The following PHF20 variants were observed in gnomAD, a reference collection of about 807,000 sequenced individuals.
PHF20 encodes the protein glioma-expressed antigen 2.
A neutral mutation model predicts 113.5 loss-of-function variants in PHF20; 23 were observed. The observed-to-expected ratio is 0.20, with a 90% CI of 0.15 to 0.29. The LOEUF is 0.29. PHF20 is among the 10% of genes least tolerant of loss of function. The pLI is 1.00. For missense variants in PHF20, 943 were observed against 1,219.6 expected, an observed-to-expected ratio of 0.77 and a Z score of 3.38; for synonymous variants, 434 against 457.3, an observed-to-expected ratio of 0.95 and a Z score of 0.65.
rs555975702 is a variant in PHF20, at chr20:35,834,275, G to A, written c.84-8298G>A. Among the ~76,000 whole-genome samples the A allele has an allele frequency of 1.4e-3, 191 of 137,612 alleles. 2 individuals carry two copies. The highest frequency in any genetic ancestry group is 6.8e-4 in the Non-Finnish European group (44 of 64,916). The allele number at this position is 137,612 out of a possible 152,430, so 90.3% of individuals were successfully genotyped here. On this transcript the variant is annotated intron_variant, in intron 2 of 17. Coordinates refer to ENST00000374012, the MANE Select transcript of PHF20 (RefSeq NM_016436.5). ...TTTTTTTTTTTTTTTTTTTTGAGAC[G>A]GAGTTTCGCTCTTGTTTCCCAGTCT...
chr20:35,850,776 G>T (rs2042716592), intron 4 of PHF20: 1 of 681,896 alleles, frequency 1.5e-6, no homozygotes, highest in African/African-American at 1.8e-5. Flanking sequence ...AATACAGAAA[G>T]TGGGTCCACT....
chr20:35,940,949 G>T lies in PHF20; in HGVS notation c.2798G>T (p.Ser933Ile). The stretch of plus-strand genomic sequence containing the variant: ...GACAGAGGTGGAGAGGGGCTGCTGA[G>T]CTCCCAGCACCAGTGGCAGTTTAAC... Reference protein sequence around the residue: ...LLDRGGEGLLSSQHQWQFNLL... With the variant: ...LLDRGGEGLLISQHQWQFNLL... Residue 933 changes from serine (S) to isoleucine (I), a missense_variant, in exon 17 of 18, where the codon AGC (serine) becomes ATC (isoleucine). This residue lies in a region of PHF20 where 349 missense variants were observed against 412.3 expected (regional missense o/e 0.85). Transcript: ENST00000374012. 2 of 1,614,204 alleles carry T rather than the reference G, an allele frequency of 1.2e-6. No homozygotes were observed. The highest frequency in any genetic ancestry group is 1.7e-6 in the Non-Finnish European group (2 of 1,180,034).
Position 35,858,374 on chromosome 20 carries a change from A to G in PHF20, c.413A>G (p.Lys138Arg), listed in dbSNP as rs1478460238. The G allele has an allele frequency of 1.3e-6, 2 of 1,572,196 alleles. No homozygotes were observed. Among genetic ancestry groups the G allele is most frequent in the Non-Finnish European group, 8.7e-7 (1 of 1,145,872 alleles). Residue 138 changes from lysine to arginine, a missense_variant, in exon 5 of 18, where the codon AAA becomes AGA. Around this residue, in one of 3 missense-constraint regions of PHF20, gnomAD observed 592 missense variants for 787.2 expected, o/e 0.75. Coordinates refer to ENST00000374012, the MANE Select transcript of PHF20 (RefSeq NM_016436.5). ...VKHIHVKAFS[K>R]DQNIVGNARP... Reference sequence around the variant, plus strand: ...CATATTCATGTCAAAGCTTTTTCCAAAGATCAGGTGAGAAATGTGGTTTTG... The same window carrying G: ...CATATTCATGTCAAAGCTTTTTCCAGAGATCAGGTGAGAAATGTGGTTTTG...
Position 35,791,537 on chromosome 20 carries a change from G to GTGTATATA in PHF20, c.-32-9953_-32-9952insGTATATAT, listed in dbSNP as rs372219422. Among the ~76,000 whole-genome samples the GTGTATATA allele has an allele frequency of 1.3e-3, 165 of 127,208 alleles. 2 individuals are homozygous for GTGTATATA. Among genetic ancestry groups the GTGTATATA allele is most frequent in the African/African-American group, 4.5e-3 (150 of 33,418 alleles). 83.5% of individuals were successfully genotyped at this position (127,208 alleles called of 152,430 possible). A position where few individuals can be genotyped will look rare whatever the true frequency, so the allele number is the denominator to read the frequency against. On this transcript the variant is annotated intron_variant, in intron 1 of 17. Transcript: ENST00000374012. ...ATATACATATATATCTTAGAATAGT[G>GTGTATATA]TATATATATATATATATATATATAT... is the stretch of plus-strand genomic sequence containing the variant.
chr20:35,829,601 C>A (rs181927655), intron 2 of PHF20, among the ~76,000 whole-genome samples: 193 of 151,980 alleles, frequency 1.3e-3, no homozygotes, highest in African/African-American at 4.6e-3. Flanking sequence ...CCTGCCTCAG[C>A]CTCCCAAAGT....
chr20:35,847,483 G>T (rs773568578), intron 4 of PHF20, 49 bp downstream of exon 4: 22 of 1,162,568 alleles, frequency 1.9e-5, no homozygotes, highest in Admixed American at 7.0e-5. Flanking sequence ...TAGGTGGTGG[G>T]GGGGGATGTT....
chr20:35,801,612 T>A lies in PHF20; in HGVS notation c.83+7T>A. Reference sequence around the variant, plus strand: ...GGGACCGTTTAAAAAACTGGTACTTTTACATTTTTCTGTTAATTAAAGCCC... The same window carrying A: ...GGGACCGTTTAAAAAACTGGTACTTATACATTTTTCTGTTAATTAAAGCCC... On this transcript the variant is annotated splice_region_variant and intron_variant, in intron 2 of 17. Transcript: ENST00000374012. The A allele has an allele frequency of 1.2e-6, 2 of 1,600,110 alleles. No individual in the cohort carries two copies. The highest frequency in any genetic ancestry group is 2.2e-5 in the South Asian group (2 of 90,638).
At chr20:35,813,637 A>C (rs896190517) in intron 2 of PHF20, among the ~76,000 whole-genome samples, 1 of 152,116 alleles carries the variant, frequency 6.6e-6, no homozygotes, top group Non-Finnish European at 1.5e-5. Flanking sequence ...AGGCAGGTGG[A>C]TCAGAAGGTC....
At chr20:35,792,022 A>G (rs2041566233) in intron 1 of PHF20, among the ~76,000 whole-genome samples, 1 of 152,152 alleles carries the variant, frequency 6.6e-6, no homozygotes, top group Non-Finnish European at 1.5e-5. Context: ...TTCTGGGAAA[A>G]TCCACTGATT....
chr20:35,932,320 C>T (rs559080360), intron 15 of PHF20, among the ~76,000 whole-genome samples: 58 of 151,584 alleles, frequency 3.8e-4, no homozygotes, highest in African/African-American at 9.9e-4. Flanking sequence ...CCACCCACCT[C>T]GGGCTCCCAA....
chr20:35,911,289 G>C (rs1046756282), intron 10 of PHF20, among the ~76,000 whole-genome samples: 7 of 151,602 alleles, frequency 4.6e-5, no homozygotes. Context: ...TGATCCGCCC[G>C]CCTTGGCCTC....
At chr20:35,849,155 G>A (rs1288137758) in intron 4 of PHF20, among the ~76,000 whole-genome samples, 1 of 152,180 alleles carries the variant, frequency 6.6e-6, no homozygotes, top group Non-Finnish European at 1.5e-5. Flanking sequence ...ATATGGGAGA[G>A]GGGCAATCCT....
At chr20:35,878,265 C>T (rs530319505) in intron 9 of PHF20, among the ~76,000 whole-genome samples, 5 of 152,094 alleles carry the variant, frequency 3.3e-5, no homozygotes, top group African/African-American at 9.6e-5. Flanking sequence ...TCTGTCCAGA[C>T]GAATGGATGA....
chr20:35,836,195 T>A (rs1294014728), intron 2 of PHF20, among the ~76,000 whole-genome samples: 2 of 152,002 alleles, frequency 1.3e-5, no homozygotes, highest in Non-Finnish European at 2.9e-5. Context: ...TAACTTTTTT[T>A]TTTTAGAGAT....
chr20:35,798,848 A>G (rs201042790), intron 1 of PHF20, among the ~76,000 whole-genome samples: 1 of 151,288 alleles, frequency 6.6e-6, no homozygotes, highest in Non-Finnish European at 1.5e-5. Flanking sequence ...TGCAGTCTCA[A>G]CCTCCTGGGC....
intron 9 of PHF20, among the ~76,000 whole-genome samples, chr20:35,896,156 T>C (rs1332833633): frequency 6.6e-6 from 1 of 151,804 alleles, no homozygotes; most frequent in Non-Finnish European, 1.5e-5. Context: ...AACAGCATCC[T>C]TCAGACAACC....
intron 9 of PHF20, chr20:35,878,395 C>A: frequency 4.8e-6 from 2 of 413,800 alleles, no homozygotes; most frequent in South Asian, 6.4e-5. Context: ...AGAAATGGAC[C>A]TCTTCAGGTT....
chr20:35,874,286 T>C, intron 9 of PHF20, among the ~76,000 whole-genome samples: 1 of 152,160 alleles, frequency 6.6e-6, no homozygotes, highest in South Asian at 2.1e-4. Flanking sequence ...TGCTATAAAT[T>C]TCATAATGTA....
chr20:35,869,211 G>C (rs1163378594), intron 6 of PHF20, among the ~76,000 whole-genome samples: 1 of 152,144 alleles, frequency 6.6e-6, no homozygotes, highest in Non-Finnish European at 1.5e-5. Flanking sequence ...TCATAGAAAA[G>C]ATTCAGGAGG....
Sources: gnomAD v4.1 joint callset for allele counts (sites outside exome capture counted in the v4.1 genomes callset) on GRCh38, gnomAD v4.1.1 for gene constraint, gnomAD v4.1.1 regional missense constraint, MANE v1.5 for transcripts, NCBI Gene and HGNC (gene_info 2026-07-23, HGNC 2026-07-21) for gene names.